Variants in DNAH3 observed in about 807,000 individuals in gnomAD.
DNAH3 encodes dynein axonemal heavy chain 3.
In DNAH3, 332 loss-of-function variants were observed where a neutral mutation model predicts 432.5. The ratio of observed to expected loss-of-function variants is 0.77; its 90% CI spans 0.70 to 0.84. The LOEUF (loss-of-function observed/expected upper bound fraction) is 0.84, where lower values mean the gene tolerates loss of function less well. Ranked by LOEUF, DNAH3 falls within the 40% of genes least tolerant of loss-of-function variation. The probability of loss-of-function intolerance (pLI) is 0.00; values close to 1 mark genes in which losing one functional copy is unlikely to be tolerated. For synonymous variants in DNAH3, 1,956 were observed against 1,900.2 expected (o/e 1.03, Z -0.76); for missense variants, 4,861 against 5,114.0 (o/e 0.95, Z 1.51).
chr16:21,021,725 C>T (rs2088234574), intron 40 of DNAH3, among the ~76,000 whole-genome samples: 1 of 152,080 alleles, frequency 6.6e-6, no homozygotes, highest in South Asian at 2.1e-4. Context: ...GCCTGGTCAA[C>T]ATGGCGAAAC....
chr16:21,145,856 C>T, intron 2 of DNAH3, 128 bp downstream of exon 3: 1 of 659,402 alleles, frequency 1.5e-6, no homozygotes, highest in Non-Finnish European at 2.7e-6. Context: ...ACCAAAGCTA[C>T]TAATCCTACT....
intron 41 of DNAH3, among the ~76,000 whole-genome samples, chr16:21,011,748 GAAGCAGGAACAGA>G (rs926072976): frequency 7.2e-5 from 11 of 152,074 alleles, no homozygotes; most frequent in African/African-American, 2.4e-4. Context: ...AACTTTAAAT[GAAGCAGGAACAGA>G]AAGCAAAAAA....
intron 33 of DNAH3, among the ~76,000 whole-genome samples, chr16:21,039,047 A>T (rs2089301711): frequency 6.6e-6 from 1 of 152,034 alleles, no homozygotes; most frequent in Admixed American, 6.5e-5. Context: ...GTATGTGTGT[A>T]TACACACGTA....
intron 37 of DNAH3, among the ~76,000 whole-genome samples, chr16:21,027,368 G>C (rs1041836742): frequency 1.3e-5 from 2 of 152,218 alleles, no homozygotes; most frequent in Non-Finnish European, 2.9e-5. Context: ...AAAATATATA[G>C]TGTTCGAAGT....
chr16:20,987,888 C>T, intron 45 of DNAH3, 39 bp from the exon 46 acceptor site: 5 of 1,613,892 alleles, frequency 3.1e-6, no homozygotes, highest in Non-Finnish European at 4.2e-6. Context: ...CAAGGAGGGG[C>T]CAGAAACTGA....
At chr16:21,049,099 T>C (rs2089846033) in intron 31 of DNAH3, among the ~76,000 whole-genome samples, 1 of 151,674 alleles carries the variant, frequency 6.6e-6, no homozygotes, top group Admixed American at 6.6e-5. Flanking sequence ...GCTCAAGCAA[T>C]CCTCCTGCCT....
rs758503667 is a variant in DNAH3 at position 21,106,706 on chromosome 16, A to G, written c.2100-32T>C. 9.1e-6 allele frequency: 13 copies of G among 1,431,940 alleles called. No homozygotes were observed. The Admixed American group carries it at 1.3e-4, about 15-fold the overall frequency. 88.7% of individuals were successfully genotyped at this position (1,431,940 alleles called of 1,614,324 possible). On this transcript the variant is annotated intron_variant, in intron 14 of 61. Transcript: ENST00000261383. ...AAAAGAAACAGCCATTGTTATCATC[A>G]TCATCATCACCATCATCACCATCTA...
At chr16:21,013,054 C>G (rs1159616571) in intron 41 of DNAH3, among the ~76,000 whole-genome samples, 1 of 151,950 alleles carries the variant, frequency 6.6e-6, no homozygotes, top group African/African-American at 2.4e-5. Flanking sequence ...TGTGAGCCAC[C>G]GTGCACAGCC....
chr16:21,007,253 C>T (rs566257309), intron 41 of DNAH3, among the ~76,000 whole-genome samples: 5 of 148,462 alleles, frequency 3.4e-5, no homozygotes, highest in African/African-American at 9.9e-5. Flanking sequence ...TCTGTCACCC[C>T]GGCTGGAGTG....
chr16:21,119,572 T>A (rs1019763111), intron 11 of DNAH3, among the ~76,000 whole-genome samples: 7 of 150,176 alleles, frequency 4.7e-5, no homozygotes, highest in African/African-American at 1.7e-4. Context: ...AGAGGTTGCC[T>A]CCCGGGCTCA....
At chr16:20,974,818 CTTATTA>C (rs770805396) in intron 51 of DNAH3, among the ~76,000 whole-genome samples, 12 of 150,416 alleles carry the variant, frequency 8.0e-5, no homozygotes, top group African/African-American at 2.4e-4. Flanking sequence ...TCGCCTACCC[CTTATTA>C]TTATTATTAT....
chr16:21,019,893 C>T lies in DNAH3; in HGVS notation c.5777-24G>A, dbSNP rs1051916813. 6.8e-6 allele frequency: 11 copies of T among 1,611,378 alleles called. No homozygotes were observed. The African/African-American group carries it at 1.3e-4, about 20-fold the overall frequency. ...ATCTAAAAGTGAGAAAAGCGAATCT[C>T]AGGACAGAGTGCAGAATGCCACAGA... On this transcript the variant is annotated intron_variant, in intron 40 of 61. Coordinates refer to ENST00000261383, the Ensembl canonical transcript of DNAH3.
chr16:21,009,489 C>T (rs973049628), intron 41 of DNAH3, among the ~76,000 whole-genome samples: 1 of 152,144 alleles, frequency 6.6e-6, no homozygotes, highest in Admixed American at 6.5e-5. Context: ...AAAGGAGATA[C>T]TAAAAGACTG....
intron 31 of DNAH3, among the ~76,000 whole-genome samples, chr16:21,043,050 T>C (rs1236646260): frequency 6.6e-6 from 1 of 152,210 alleles, no homozygotes; most frequent in Non-Finnish European, 1.5e-5. Flanking sequence ...ATGTGCCACA[T>C]TTTCTTAATC....
chr16:21,129,793 G>T (rs898451610), intron 7 of DNAH3, among the ~76,000 whole-genome samples: 1 of 148,346 alleles, frequency 6.7e-6, no homozygotes, highest in Non-Finnish European at 1.5e-5. Flanking sequence ...TTAGTGGACA[G>T]GGGTAGCGGG....
At chr16:21,131,854 C>CA (rs528482208) in intron 7 of DNAH3, among the ~76,000 whole-genome samples, 3,457 of 66,862 alleles carry the variant, frequency 0.052, 67 homozygotes, top group Middle Eastern at 0.13. Context: ...AACTCCATCT[C>CA]AAAAAAAAAA....
chr16:20,983,849 G>A (rs1009194560), intron 48 of DNAH3, among the ~76,000 whole-genome samples: 13 of 151,672 alleles, frequency 8.6e-5, no homozygotes, highest in Admixed American at 4.6e-4. Context: ...CCACATCCCC[G>A]TCCCCTATCT....
intron 21 of DNAH3, among the ~76,000 whole-genome samples, chr16:21,072,296 C>T (rs1005370183): frequency 1.3e-5 from 2 of 151,898 alleles, no homozygotes; most frequent in Non-Finnish European, 2.9e-5. Context: ...GCACAACGTG[C>T]AGGTTGGTTA....
rs936689675 is a variant in DNAH3 at position 20,994,028 on chromosome 16, T to C, written c.6601+3255A>G. 6.6e-5 allele frequency among the ~76,000 whole-genome samples: 10 copies of C among 152,370 alleles called. 1 individual carries two copies. The highest frequency in any genetic ancestry group is 3.3e-4 in the Admixed American group (5 of 15,306). On this transcript the variant is annotated intron_variant, in intron 44 of 61. Transcript: ENST00000261383. ...TTGTATTATTTCTTCTATTTCTTTA[T>C]TTTGATTTTCTTATTCAGATACTTC...
Sources: allele counts gnomAD v4.1 joint callset (sites outside exome capture counted in the v4.1 genomes callset), GRCh38; gene constraint gnomAD v4.1.1; transcripts MANE v1.5; gene names NCBI Gene and HGNC (gene_info 2026-07-23, HGNC 2026-07-21).